The following PAX7 variants were observed in gnomAD, a reference collection of about 807,000 sequenced individuals.
The protein encoded by PAX7 is paired box protein Pax-7.
Under a neutral mutation model 50.7 loss-of-function variants are expected in PAX7, and 18 were observed. The ratio of observed to expected loss-of-function variants is 0.36; its 90% CI spans 0.25 to 0.53. The LOEUF (loss-of-function observed/expected upper bound fraction) is 0.53. Ranked by LOEUF, PAX7 falls within the 20% of genes least tolerant of loss-of-function variation. The probability of loss-of-function intolerance (pLI) is 0.93; values close to 1 mark genes in which losing one functional copy is unlikely to be tolerated. For missense variants in PAX7, 644 were observed against 702.9 expected (o/e 0.92, Z 0.95); for synonymous variants, 310 against 290.4 (o/e 1.07, Z -0.69).
At chr1:18,690,461 G>T (rs550309546) in intron 4 of PAX7, among the ~76,000 whole-genome samples, 1 of 152,334 alleles carries the variant, frequency 6.6e-6, no homozygotes, top group Non-Finnish European at 1.5e-5. Flanking sequence ...CCCCTCTGTT[G>T]GGTCAGACGT....
intron 4 of PAX7, among the ~76,000 whole-genome samples, chr1:18,642,442 T>G (rs1420412206): frequency 6.6e-6 from 1 of 151,986 alleles, no homozygotes; most frequent in African/African-American, 2.4e-5. Context: ...CAAAGAAAGG[T>G]TCTCTAGAGG....
chr1:18,710,978 C>T (rs923137723), intron 7 of PAX7, among the ~76,000 whole-genome samples: 15 of 152,370 alleles, frequency 9.8e-5, no homozygotes, highest in African/African-American at 3.4e-4. Context: ...GCGCGCTCCT[C>T]TGCGCCCCGC....
At chr1:18,662,693 C>T (rs1205394530) in intron 4 of PAX7, among the ~76,000 whole-genome samples, 1 of 152,134 alleles carries the variant, frequency 6.6e-6, no homozygotes, top group East Asian at 1.9e-4. Flanking sequence ...GCCTCAGCCT[C>T]CCGAGTAGCT....
In PAX7 at chr1:18,634,628, G is replaced by A; in HGVS notation, c.321+90G>A. 1.9e-6 allele frequency: 2 copies of A among 1,039,364 alleles called. No individual in the cohort carries two copies. The highest frequency in any genetic ancestry group is 2.9e-6 in the Non-Finnish European group (2 of 692,140). 64.4% of individuals were successfully genotyped at this position (1,039,364 alleles called of 1,614,324 possible). A position where few individuals can be genotyped will look rare whatever the true frequency, so the allele number is the denominator to read the frequency against. ...CCCTCTTACTACCTCGTGGCACCAG[G>A]CTGTAGGAAAGTACAGCTGGAGGGT... On this transcript the variant is annotated intron_variant, in intron 2 of 8. Coordinates refer to ENST00000420770, the MANE Select transcript of PAX7 (RefSeq NM_001135254.2). This position sits in a 1 kb window ranked among gnomAD's most constrained non-coding sequence, Gnocchi z 4.0.
At chr1:18,692,052 G>T (rs1386696887) in intron 5 of PAX7, 99 bp downstream of exon 5, 4 of 1,127,506 alleles carry the variant, frequency 3.5e-6, no homozygotes, top group South Asian at 1.5e-5. Flanking sequence ...CCCCTCGGGG[G>T]GTTTACAACA....
At chr1:18,640,726 C>T (rs912664271) in intron 4 of PAX7, among the ~76,000 whole-genome samples, 1 of 151,722 alleles carries the variant, frequency 6.6e-6, no homozygotes, top group Non-Finnish European at 1.5e-5. Flanking sequence ...AATGGGGGCT[C>T]GGAGGAAGAT....
At chr1:18,638,105 A>G (rs1233462024) in intron 4 of PAX7, among the ~76,000 whole-genome samples, 3 of 151,720 alleles carry the variant, frequency 2.0e-5, no homozygotes, top group East Asian at 1.9e-4. Flanking sequence ...ACAACAAACA[A>G]CTCTTCTGAG....
chr1:18,724,550 G>C (rs2089533967), intron 7 of PAX7, among the ~76,000 whole-genome samples: 1 of 152,166 alleles, frequency 6.6e-6, no homozygotes, highest in African/African-American at 2.4e-5. Context: ...TATGAAGCCA[G>C]TCAAACACCT....
rs998442700 is a variant in PAX7 at position 18,726,435 on chromosome 1, G to A, written c.1156-9197G>A. ...TCTTCATTCATGAATTCCTCACTTA[G>A]CAAATGTTTATTGGGTGCCTTCTGT... is the stretch of plus-strand genomic sequence containing the variant. On this transcript the variant is annotated intron_variant, in intron 7 of 8. Transcript: ENST00000420770. This position sits in a 1 kb window ranked among gnomAD's most constrained non-coding sequence, Gnocchi z 4.8. Among the ~76,000 whole-genome samples the A allele has an allele frequency of 1.3e-5, 2 of 152,182 alleles. No homozygotes were observed. The highest frequency in any genetic ancestry group is 2.1e-4 in the South Asian group (1 of 4,828).
intron 4 of PAX7, among the ~76,000 whole-genome samples, chr1:18,685,637 G>A (rs931775369): frequency 3.3e-5 from 5 of 152,228 alleles, no homozygotes; most frequent in Admixed American, 3.3e-4. Context: ...GTTCAAAGGC[G>A]TCAAAGCAAG....
chr1:18,688,498 A>T (rs1222986875), intron 4 of PAX7, among the ~76,000 whole-genome samples: 2 of 152,222 alleles, frequency 1.3e-5, no homozygotes, highest in Non-Finnish European at 2.9e-5. Flanking sequence ...TCAAAACCCC[A>T]TGTAGCTAGT....
chr1:18,725,324 A>G (rs1250336314), intron 7 of PAX7, among the ~76,000 whole-genome samples: 1 of 109,456 alleles, frequency 9.1e-6, no homozygotes, highest in Non-Finnish European at 2.0e-5. Flanking sequence ...CCCCACCAAC[A>G]CCGCCAGGCC....
intron 4 of PAX7, among the ~76,000 whole-genome samples, chr1:18,689,231 C>G (rs1232846831): frequency 6.6e-6 from 1 of 152,222 alleles, no homozygotes; most frequent in Non-Finnish European, 1.5e-5. Flanking sequence ...CAAGGGCTGG[C>G]TTCCGTTGTC....
chr1:18,662,568 G>GTTTT (rs1469668624), intron 4 of PAX7, among the ~76,000 whole-genome samples: 1 of 151,950 alleles, frequency 6.6e-6, no homozygotes, highest in Non-Finnish European at 1.5e-5. Context: ...TTGTTTGTTT[G>GTTTT]TTTTGTTTTG....
intron 4 of PAX7, among the ~76,000 whole-genome samples, chr1:18,686,884 T>TTTA (rs2088983764): frequency 1.6e-5 from 1 of 62,322 alleles, no homozygotes; most frequent in Admixed American, 2.2e-4. Context: ...TTTATTTTAT[T>TTTA]TTATTATTAT....
At chr1:18,730,332 C>T (rs1341304611) in intron 7 of PAX7, among the ~76,000 whole-genome samples, 1 of 152,168 alleles carries the variant, frequency 6.6e-6, no homozygotes, top group African/African-American at 2.4e-5. Context: ...TGGTCCAGGC[C>T]CAGTGCCCTC....
At chr1:18,658,935 C>A (rs1046737806) in intron 4 of PAX7, among the ~76,000 whole-genome samples, 2 of 152,114 alleles carry the variant, frequency 1.3e-5, no homozygotes. Flanking sequence ...AGTGTGTGTG[C>A]ATATGTGTGT....
intron 4 of PAX7, among the ~76,000 whole-genome samples, chr1:18,659,076 G>A (rs2088564327): frequency 6.6e-6 from 1 of 151,802 alleles, no homozygotes; most frequent in Non-Finnish European, 1.5e-5. Flanking sequence ...GTGACTGTGT[G>A]CACATAAGCA....
chr1:18,643,236 TG>T (rs2088285825), intron 4 of PAX7, among the ~76,000 whole-genome samples: 1 of 152,096 alleles, frequency 6.6e-6, no homozygotes, highest in Non-Finnish European at 1.5e-5. Context: ...CGCGGAGCTC[TG>T]CGTGTCGGCT....
Sources: allele counts gnomAD v4.1 joint callset (sites outside exome capture counted in the v4.1 genomes callset), GRCh38; gene constraint gnomAD v4.1.1; non-coding constraint Gnocchi (gnomAD v3.1); transcripts MANE v1.5; gene names NCBI Gene and HGNC (gene_info 2026-07-23, HGNC 2026-07-21).